The following RBM39 variants were observed in gnomAD, a reference collection of about 807,000 sequenced individuals.
The protein encoded by RBM39 is RNA-binding protein 39.
Under a neutral mutation model 79.6 loss-of-function variants are expected in RBM39, and 12 were observed. That is an observed-to-expected ratio of 0.15 (90% CI 0.10 to 0.24). The LOEUF (loss-of-function observed/expected upper bound fraction) is 0.24, where lower values mean the gene tolerates loss of function less well. Among genes scored for constraint, RBM39 ranks in the 10% least tolerant of loss-of-function variants. The pLI, the probability that RBM39 is intolerant of heterozygous loss-of-function variation, is 1.00. For synonymous variants in RBM39, 185 were observed against 208.4 expected, an observed-to-expected ratio of 0.89 and a Z score of 0.97; for missense variants, 243 against 653.4, an observed-to-expected ratio of 0.37 and a Z score of 6.85.
intron 9 of RBM39, among the ~76,000 whole-genome samples, chr20:35,720,420 T>C (rs1359917877): frequency 6.6e-6 from 1 of 152,130 alleles, no homozygotes; most frequent in African/African-American, 2.4e-5. Flanking sequence ...TGAACTTCAT[T>C]TCTCCATATA....
chr20:35,740,683 C>T, intron 2 of RBM39, 141 bp downstream of exon 2: 1 of 1,313,622 alleles, frequency 7.6e-7, no homozygotes, highest in Non-Finnish European at 1.1e-6. Context: ...CATATATTTA[C>T]TTTTGTAAGT....
intron 9 of RBM39, among the ~76,000 whole-genome samples, chr20:35,718,584 G>A (rs1431571121): frequency 6.6e-6 from 1 of 151,870 alleles, no homozygotes; most frequent in Non-Finnish European, 1.5e-5. Context: ...GGCCGAGGAG[G>A]GCGAATCACC....
At chr20:35,712,934 G>C in intron 12 of RBM39, 85 bp downstream of exon 12, 2 of 1,052,492 alleles carry the variant, frequency 1.9e-6, no homozygotes, top group African/African-American at 1.6e-5. Flanking sequence ...TGAATTCTCA[G>C]TAAGTCCTTT....
chr20:35,713,383 T>C (rs905819310), intron 11 of RBM39: 1 of 224,402 alleles, frequency 4.5e-6, no homozygotes. Context: ...TGGAGTGCAA[T>C]GGCGCAATCT....
At chr20:35,711,511 T>C (rs2036407968) in intron 12 of RBM39, among the ~76,000 whole-genome samples, 5 of 152,222 alleles carry the variant, frequency 3.3e-5, no homozygotes, top group Admixed American at 2.0e-4. Flanking sequence ...TTACTGGTTC[T>C]GATTCTTGTA....
intron 10 of RBM39, among the ~76,000 whole-genome samples, chr20:35,715,677 T>C (rs73281036): frequency 0.075 from 11,349 of 152,196 alleles, 551 homozygotes; most frequent in South Asian, 0.18. Flanking sequence ...ATATAGCACA[T>C]AGTAAAGGAA....
chr20:35,736,094 T>C (rs2039876906), intron 3 of RBM39, among the ~76,000 whole-genome samples: 1 of 137,342 alleles, frequency 7.3e-6, no homozygotes, highest in African/African-American at 2.6e-5. Flanking sequence ...AAGCGAAATC[T>C]TTAGCCACTC....
At chr20:35,714,022 A>G (rs546715143) in intron 11 of RBM39, among the ~76,000 whole-genome samples, 163 bp downstream of exon 11, 1 of 152,284 alleles carries the variant, frequency 6.6e-6, no homozygotes, top group African/African-American at 2.4e-5. Flanking sequence ...TCCATACATT[A>G]ATACAAGGCA....
chr20:35,737,565 A>T (rs115388050), intron 3 of RBM39, among the ~76,000 whole-genome samples: 2 of 150,250 alleles, frequency 1.3e-5, no homozygotes, highest in African/African-American at 4.9e-5. Context: ...TGTCTCAAAG[A>T]AAAAATAAAG....
In RBM39 at chr20:35,740,990, C is replaced by CT. The variant is rs1401365704; in HGVS notation, c.-13-104dup. 5.9e-6 allele frequency: 3 copies of CT among 511,820 alleles called. No individual in the cohort carries two copies. The East Asian group carries it at 1.4e-4, about 24-fold the overall frequency. 31.7% of individuals were successfully genotyped at this position (511,820 alleles called of 1,614,324 possible). On this transcript the variant is annotated intron_variant, in intron 1 of 16. Coordinates refer to ENST00000253363, the MANE Select transcript of RBM39 (RefSeq NM_184234.3). ...ATCGTCTAACATTTTCTCTAAACGC[C>CT]TAGGAAAAGAACAAGACGATTCCGT...
At chr20:35,727,002 TTA>T (rs113537631) in intron 6 of RBM39, among the ~76,000 whole-genome samples, 28,276 of 151,776 alleles carry the variant, frequency 0.19, 3,010 homozygotes, top group African/African-American at 0.31. Context: ...TTTTTGTACT[TTA>T]TTAGTAGAGA....
chr20:35,719,621 G>A (rs2037644850), intron 9 of RBM39, among the ~76,000 whole-genome samples: 1 of 152,020 alleles, frequency 6.6e-6, no homozygotes. Context: ...AGGTTGCAGT[G>A]AGCCGAGACT....
chr20:35,704,669 A>T lies in RBM39; in HGVS notation c.1491T>A (p.Ala497=). The T allele has an allele frequency of 6.2e-7, 1 of 1,614,130 alleles. No individual in the cohort carries two copies. Among genetic ancestry groups the T allele is most frequent in the Non-Finnish European group, 8.5e-7 (1 of 1,179,978 alleles). The change falls in exon 16 of 17, where the codon GCT becomes GCA. Residue 497 remains alanine, a splice_region_variant and synonymous_variant. Coordinates refer to ENST00000253363, the MANE Select transcript of RBM39 (RefSeq NM_184234.3). ...GTCAAAAAATAAATTCAAACTCACC[A>T]GCAAACCACCTGCCATGCAATGCAT... ...AVNALHGRWF[A]GKMITAAYVP... is the part of the protein sequence containing the mutation.
At chr20:35,712,498 T>A (rs2036560958) in intron 12 of RBM39, among the ~76,000 whole-genome samples, 1 of 150,152 alleles carries the variant, frequency 6.7e-6, no homozygotes, top group African/African-American at 2.5e-5. Context: ...AATGAGTGTT[T>A]TATGAACTAA....
Position 35,709,939 on chromosome 20 carries a change from T to G in RBM39, c.1175-665A>C, listed in dbSNP as rs187303900. 2.6e-5 allele frequency among the ~76,000 whole-genome samples: 4 copies of G among 152,280 alleles called. No individual in the cohort carries two copies. In the East Asian group the frequency reaches 7.7e-4, roughly 29 times the overall value. ...ATCTCTGGAGTTTTCTTAAAAGCTATGAAGTTTAGGAAAATGAAAACATCT... is the reference window on the plus strand; with the variant it reads ...ATCTCTGGAGTTTTCTTAAAAGCTAGGAAGTTTAGGAAAATGAAAACATCT... On this transcript the variant is annotated intron_variant, in intron 12 of 16. Transcript: ENST00000253363.
In RBM39 at chr20:35,729,365, G is replaced by A. The variant is rs145556031; in HGVS notation, c.363C>T (p.Ser121=). The change falls in exon 6 of 17, where the codon AGC becomes AGT. Residue 121 remains serine, a splice_region_variant and synonymous_variant. Transcript: ENST00000253363. The stretch of plus-strand genomic sequence containing the variant: ...GACTTTTGCTTCGGGAACGTCGTCT[G>A]CTGCAAAGTTAAAAAGTTTCAGAAG... ...KIGLPHSIKL[S]RRRSRSKSPF... is the part of the protein sequence containing the mutation. 1.1e-4 allele frequency: 170 copies of A among 1,606,580 alleles called. No homozygotes were observed. The African/African-American group carries it at 2.1e-3, about 20-fold the overall frequency.
intron 14 of RBM39, 76 bp from the exon 15 acceptor site, chr20:35,705,406 TTAAA>T (rs1305945412): frequency 6.1e-6 from 5 of 823,356 alleles, no homozygotes; most frequent in South Asian, 1.7e-5. Flanking sequence ...ATCAAAAAAT[TTAAA>T]TATTCTATGA....
chr20:35,706,732 A>G (rs2035772933), intron 14 of RBM39, among the ~76,000 whole-genome samples: 1 of 152,186 alleles, frequency 6.6e-6, no homozygotes, highest in African/African-American at 2.4e-5. Context: ...TTCAAATGAA[A>G]TACGGAAATA....
chr20:35,736,351 C>A (rs1469164415), intron 3 of RBM39, among the ~76,000 whole-genome samples: 1 of 151,972 alleles, frequency 6.6e-6, no homozygotes, highest in African/African-American at 2.4e-5. Flanking sequence ...CCCATCCAAG[C>A]TTATACCAGA....
Sources: gnomAD v4.1 joint callset for allele counts (sites outside exome capture counted in the v4.1 genomes callset) on GRCh38, gnomAD v4.1.1 for gene constraint, MANE v1.5 for transcripts, NCBI Gene and HGNC (gene_info 2026-07-23, HGNC 2026-07-21) for gene names.